RBM7: variants seen among roughly 807,000 people sequenced by gnomAD.
RBM7 encodes the protein RNA binding motif protein 7, also known as RNA-binding protein 7.
RBM7 carries 13 observed loss-of-function variants against 31.0 expected under a neutral mutation model. That is an observed-to-expected ratio of 0.42 (90% CI 0.27 to 0.67). The LOEUF (loss-of-function observed/expected upper bound fraction) is 0.67. RBM7 is among the 30% of genes least tolerant of loss of function. RBM7 has a pLI of 0.24. For missense variants in RBM7, 245 were observed against 326.2 expected (o/e 0.75, Z 1.92); for synonymous variants, 106 against 111.2 (o/e 0.95, Z 0.30).
rs1467869611 is a variant in RBM7 at position 114,407,752 on chromosome 11, A to G, written c.749A>G (p.Tyr250Cys). ...AATCATGATGACTGGAGCCATGACT[A>G]TGATAACAGAAGAGACAGTAGTAGA... Reference protein sequence around the residue: ...DRNHDDWSHDYDNRRDSSRDG... With the variant: ...DRNHDDWSHDCDNRRDSSRDG... Residue 250 changes from tyrosine (Y) to cysteine (C), a missense_variant, in exon 5 of 5, where the codon TAT becomes TGT. Coordinates refer to ENST00000375490, the MANE Select transcript of RBM7 (RefSeq NM_001286045.2). The G allele has an allele frequency of 9.9e-6, 16 of 1,613,544 alleles. No individual in the cohort carries two copies. Among genetic ancestry groups the G allele is most frequent in the Middle Eastern group, 1.6e-4 (1 of 6,062 alleles).
In RBM7 at chr11:114,400,889, A is replaced by G. The variant is rs1288893608; in HGVS notation, c.96+122A>G. On this transcript the variant is annotated intron_variant, in intron 1 of 4. Coordinates refer to ENST00000375490, the MANE Select transcript of RBM7 (RefSeq NM_001286045.2). ...CCCGACGGGTGGCTGTTTGGGGGTG[A>G]AAGGCGGGTCTGGGTTGCGAAACGC... The G allele has an allele frequency of 4.9e-5, 56 of 1,141,362 alleles. No individual in the cohort carries two copies. In the East Asian group the frequency reaches 1.4e-3, roughly 28 times the overall value. The allele number at this position is 1,141,362 out of a possible 1,614,324, so 70.7% of individuals were successfully genotyped here. A position where few individuals can be genotyped will look rare whatever the true frequency, so the allele number is the denominator to read the frequency against.
chr11:114,408,064 A>G lies in RBM7; in HGVS notation c.*257A>G, dbSNP rs532340098. The G allele has an allele frequency of 6.6e-5, 18 of 274,194 alleles. No individual in the cohort carries two copies. The highest frequency in any genetic ancestry group is 3.9e-4 in the African/African-American group (18 of 45,792). The allele number at this position is 274,194 out of a possible 1,614,324, so 17.0% of individuals were successfully genotyped here. A position where few individuals can be genotyped will look rare whatever the true frequency, so the allele number is the denominator to read the frequency against. On this transcript the variant is annotated 3_prime_UTR_variant, in exon 5 of 5. Transcript: ENST00000375490. The stretch of plus-strand genomic sequence containing the variant: ...GCTACAATTCCTAATCATTTTAGAC[A>G]CTTTAGGAGGGGGTGAAGTTGTATG...
chr11:114,406,874 A>G (rs1467202885), intron 4 of RBM7: 1 of 152,372 alleles, frequency 6.6e-6, no homozygotes, highest in Non-Finnish European at 1.5e-5. Context: ...TACTAAAAAT[A>G]CAAAAATTAG....
chr11:114,404,054 G>C (rs1946235855), intron 3 of RBM7, among the ~76,000 whole-genome samples: 1 of 152,190 alleles, frequency 6.6e-6, no homozygotes, highest in African/African-American at 2.4e-5. Context: ...TGGTAGATAG[G>C]CTGGAGAGGG....
rs764390303 is a variant in RBM7 at position 114,407,844 on chromosome 11, T to A, written c.*37T>A. 11 of 1,543,700 alleles carry A rather than the reference T, an allele frequency of 7.1e-6. 1 individual carries two copies. In the South Asian group the frequency reaches 1.4e-4, roughly 19 times the overall value. On this transcript the variant is annotated 3_prime_UTR_variant, in exon 5 of 5. Coordinates refer to ENST00000375490, the MANE Select transcript of RBM7 (RefSeq NM_001286045.2). ...AGGACATTGTTTTTATAGGGTCATT[T>A]TAGGCCCTTTGACTAAGTTGATATG...
Position 114,409,246 on chromosome 11 carries a change from C to T in RBM7, c.*1439C>T, listed in dbSNP as rs1161589884. On this transcript the variant is annotated 3_prime_UTR_variant, in exon 5 of 5. Transcript: ENST00000375490. ...CTACTCACTATAGAATTAAGATAAACAATTTGTTTGCTTAAGCATTTTCAC... is the reference window on the plus strand; with the variant it reads ...CTACTCACTATAGAATTAAGATAAATAATTTGTTTGCTTAAGCATTTTCAC... 1 of 152,124 alleles carries T rather than the reference C, an allele frequency of 6.6e-6. No individual in the cohort carries two copies. The highest frequency in any genetic ancestry group is 1.9e-4 in the East Asian group (1 of 5,202). 9.4% of individuals were successfully genotyped at this position (152,124 alleles called of 1,614,324 possible).
In RBM7 at chr11:114,400,729, A is replaced by G; in HGVS notation, c.58A>G (p.Lys20Glu). The G allele has an allele frequency of 6.2e-7, 1 of 1,614,186 alleles. No homozygotes were observed. The highest frequency in any genetic ancestry group is 8.5e-7 in the Non-Finnish European group (1 of 1,180,032). The change falls in exon 1 of 5, where the codon AAA becomes GAA. Residue 20 changes from lysine (K) to glutamate (E), a missense_variant. Coordinates refer to ENST00000375490, the MANE Select transcript of RBM7 (RefSeq NM_001286045.2). ...TCTCTTTGTGGGCAACCTTGAAACG[A>G]AAGTGACCGAGGAGCTCCTTTTCGA... is the stretch of plus-strand genomic sequence containing the variant. The part of the protein sequence containing the change: ...RTLFVGNLET[K>E]VTEELLFELF...
intron 2 of RBM7, among the ~76,000 whole-genome samples, chr11:114,402,382 CTTTTTTTTTTTTTTTTTTTTT>C (rs71063570): frequency 1.5e-3 from 74 of 50,164 alleles, no homozygotes; most frequent in South Asian, 2.9e-3. Flanking sequence ...GCTTGAGATT[CTTTTTTTTTTTTTTTTTTTTT>C]TTTTTTTTTT....
rs1946299651 is a variant in RBM7 at position 114,408,647 on chromosome 11, T to C, written c.*840T>C. On this transcript the variant is annotated 3_prime_UTR_variant, in exon 5 of 5. Coordinates refer to ENST00000375490, the MANE Select transcript of RBM7 (RefSeq NM_001286045.2). ...GTCAAACGTTAAAAACTTTAACATTTTCAAAGTGCCCAGACTGTGTACAAA... is the reference window on the plus strand; with the variant it reads ...GTCAAACGTTAAAAACTTTAACATTCTCAAAGTGCCCAGACTGTGTACAAA... 6.6e-6 allele frequency: 1 copy of C among 152,520 alleles called. No homozygotes were observed. Among genetic ancestry groups the C allele is most frequent in the Admixed American group, 6.5e-5 (1 of 15,294 alleles). The allele number at this position is 152,520 out of a possible 1,614,324, so 9.4% of individuals were successfully genotyped here. A position where few individuals can be genotyped will look rare whatever the true frequency, so the allele number is the denominator to read the frequency against.
chr11:114,402,084 G>C (rs910717035), intron 2 of RBM7: 2 of 457,646 alleles, frequency 4.4e-6, no homozygotes, highest in Non-Finnish European at 7.4e-6. Flanking sequence ...TTTTGGGTTA[G>C]TGAAAAAACA....
chr11:114,404,620 T>C (rs904984883), intron 3 of RBM7, among the ~76,000 whole-genome samples: 6 of 152,146 alleles, frequency 3.9e-5, no homozygotes, highest in African/African-American at 1.4e-4. Context: ...GGAGGACCAC[T>C]TGAGGCCTTG....
chr11:114,405,311 A>AATGGTGTGG (rs1245105461), intron 3 of RBM7, among the ~76,000 whole-genome samples: 17 of 152,316 alleles, frequency 1.1e-4, no homozygotes, highest in Admixed American at 8.5e-4. Context: ...TTCCAGTAAC[A>AATGGTGTGG]CTTTGTTTAG....
chr11:114,401,729 A>C lies in RBM7; in HGVS notation c.128A>C (p.Lys43Thr), dbSNP rs747825571. 5.8e-6 allele frequency: 9 copies of C among 1,553,398 alleles called. No homozygotes were observed. The highest frequency in any genetic ancestry group is 4.4e-5 in the Admixed American group (2 of 45,528). Reference protein sequence around the residue: ...AGPVIKVKIPKDKDGKPKQFA... With the variant: ...AGPVIKVKIPTDKDGKPKQFA... ...CCAGTAATAAAGGTGAAAATTCCAA[A>C]AGATAAGGATGGTAAACCAAAGCAG... is the stretch of plus-strand genomic sequence containing the variant. The change falls in exon 2 of 5, where the codon AAA becomes ACA. Residue 43 changes from lysine (K) to threonine (T), a missense_variant. Transcript: ENST00000375490.
chr11:114,402,212 A>C (rs958516546), intron 2 of RBM7: 1 of 198,038 alleles, frequency 5.0e-6, no homozygotes, highest in Non-Finnish European at 1.0e-5. Context: ...GTTCTTGATC[A>C]TGTGAGGATG....
chr11:114,406,029 A>G, intron 4 of RBM7: 2 of 436,274 alleles, frequency 4.6e-6, no homozygotes, highest in African/African-American at 2.1e-5. Context: ...GGGCTGAAAT[A>G]TATACTTAAA....
chr11:114,407,219 T>C (rs1272865841), intron 4 of RBM7: 2 of 412,938 alleles, frequency 4.8e-6, no homozygotes, highest in Non-Finnish European at 8.6e-6. Context: ...AGTCATTTTG[T>C]GTGACTTATT....
At chr11:114,403,754 T>C (rs1946232980) in intron 3 of RBM7, among the ~76,000 whole-genome samples, 1 of 152,190 alleles carries the variant, frequency 6.6e-6, no homozygotes, top group South Asian at 2.1e-4. Context: ...AAAATGGAGG[T>C]TAACTTGCTC....
At chr11:114,403,335 C>T (rs1946228528) in intron 3 of RBM7, among the ~76,000 whole-genome samples, 1 of 152,148 alleles carries the variant, frequency 6.6e-6, no homozygotes, top group South Asian at 2.1e-4. Flanking sequence ...ACCAGTTAGT[C>T]AACAGTCTAT....
rs1198471729 is a variant in RBM7 at position 114,409,904 on chromosome 11, C to T, written c.*2097C>T. 2.6e-5 allele frequency: 4 copies of T among 152,114 alleles called. No individual in the cohort carries two copies. The highest frequency in any genetic ancestry group is 9.7e-5 in the African/African-American group (4 of 41,412). The allele number at this position is 152,114 out of a possible 1,614,324, so 9.4% of individuals were successfully genotyped here. ...AAAAAATTGAATATAGTTGGTGAGACAACTCAGAAGTACAGGTTTGAGCAT... is the reference window on the plus strand; with the variant it reads ...AAAAAATTGAATATAGTTGGTGAGATAACTCAGAAGTACAGGTTTGAGCAT... On this transcript the variant is annotated 3_prime_UTR_variant, in exon 5 of 5. Coordinates refer to ENST00000375490, the MANE Select transcript of RBM7 (RefSeq NM_001286045.2).
Sources: gnomAD v4.1 joint callset for allele counts (sites outside exome capture counted in the v4.1 genomes callset) on GRCh38, gnomAD v4.1.1 for gene constraint, MANE v1.5 for transcripts, NCBI Gene and HGNC (gene_info 2026-07-23, HGNC 2026-07-21) for gene names.